The following LDLRAD4 variants were observed in gnomAD, a reference collection of about 807,000 sequenced individuals.
LDLRAD4 encodes the protein low-density lipoprotein receptor class A domain-containing protein 4.
In LDLRAD4, 5 loss-of-function variants were observed where a neutral mutation model predicts 17.0. That is an observed-to-expected ratio of 0.29 (90% CI 0.15 to 0.62). The LOEUF (loss-of-function observed/expected upper bound fraction) is 0.62. Among genes scored for constraint, LDLRAD4 ranks in the 20% least tolerant of loss-of-function variants. The pLI, the probability that LDLRAD4 is intolerant of heterozygous loss-of-function variation, is 0.84. For synonymous variants in LDLRAD4, 168 were observed against 171.8 expected, an observed-to-expected ratio of 0.98 and a Z score of 0.17; for missense variants, 340 against 424.7, an observed-to-expected ratio of 0.80 and a Z score of 1.75.
chr18:13,512,832 G>A (rs1266316292), intron 3 of LDLRAD4, among the ~76,000 whole-genome samples: 1 of 152,160 alleles, frequency 6.6e-6, no homozygotes, highest in Admixed American at 6.5e-5. Context: ...TAATATGTTG[G>A]GATTTCACAT....
intron 2 of LDLRAD4, among the ~76,000 whole-genome samples, chr18:13,437,963 C>T (rs2090775501): frequency 6.6e-6 from 1 of 152,214 alleles, no homozygotes; most frequent in East Asian, 1.9e-4. Context: ...AGAAAGAGAG[C>T]ACCTGTGCTA....
chr18:13,292,039 A>G (rs1215140566), intron 1 of LDLRAD4, among the ~76,000 whole-genome samples: 1 of 152,220 alleles, frequency 6.6e-6, no homozygotes, highest in Non-Finnish European at 1.5e-5. Flanking sequence ...TAGTCTGTCC[A>G]CATGCATTTG....
At chr18:13,377,727 T>A (rs1033281383) in intron 1 of LDLRAD4, among the ~76,000 whole-genome samples, 2 of 152,178 alleles carry the variant, frequency 1.3e-5, no homozygotes, top group South Asian at 4.1e-4. Context: ...GAGCACAAAC[T>A]GCTGGCCAGT....
At chr18:13,582,452 C>T (rs1015715580) in intron 3 of LDLRAD4, among the ~76,000 whole-genome samples, 3 of 152,246 alleles carry the variant, frequency 2.0e-5, no homozygotes, top group Non-Finnish European at 4.4e-5. Context: ...CAGGCAGATG[C>T]AGTTCCCTCC....
intron 3 of LDLRAD4, among the ~76,000 whole-genome samples, chr18:13,458,343 T>A (rs185048559): frequency 1.3e-5 from 2 of 152,344 alleles, no homozygotes; most frequent in Admixed American, 1.3e-4. Flanking sequence ...CACCTGACTT[T>A]GCTTCTGTGG....
intron 3 of LDLRAD4, among the ~76,000 whole-genome samples, chr18:13,578,827 C>CTT (rs1003295658): frequency 0.03 from 1,967 of 65,582 alleles, 559 homozygotes; most frequent in African/African-American, 0.077. Context: ...TTGTCCGGGT[C>CTT]TTTTTTTTTT....
chr18:13,649,651 A>G (rs1168164649), exon 6 of LDLRAD4: 3 of 157,698 alleles, frequency 1.9e-5, no homozygotes, highest in Non-Finnish European at 4.2e-5. Context: ...GGCTTGCTGC[A>G]CTGCTTGTTT....
At chr18:13,379,327 TGTGG>T (rs1159947456) in intron 1 of LDLRAD4, among the ~76,000 whole-genome samples, 2 of 152,204 alleles carry the variant, frequency 1.3e-5, no homozygotes, top group African/African-American at 4.8e-5. Flanking sequence ...GCCACTTGTG[TGTGG>T]TGCCCAGATG....
intron 3 of LDLRAD4, among the ~76,000 whole-genome samples, chr18:13,532,289 C>T (rs1449175309): frequency 6.6e-6 from 1 of 152,260 alleles, no homozygotes; most frequent in African/African-American, 2.4e-5. Context: ...TTATTCCTCC[C>T]TCTGAGAAAT....
intron 4 of LDLRAD4, among the ~76,000 whole-genome samples, chr18:13,625,070 TG>T (rs2041008150): frequency 6.6e-6 from 1 of 152,190 alleles, no homozygotes; most frequent in African/African-American, 2.4e-5. Flanking sequence ...AGTCAGCAGC[TG>T]GGGTTGGATG....
intron 3 of LDLRAD4, among the ~76,000 whole-genome samples, chr18:13,506,638 C>A (rs1334112219): frequency 6.6e-6 from 1 of 152,198 alleles, no homozygotes; most frequent in East Asian, 1.9e-4. Context: ...CACTAAACAA[C>A]AGATTTTCAC....
rs72874900 is a variant in LDLRAD4 at position 13,439,999 on chromosome 18, T to A, written c.181+1615T>A. On this transcript the variant is annotated intron_variant, in intron 3 of 5. Transcript: ENST00000359446. ...ATTCCAGGCGCTAAGCACTCAAGATTACCTCAACCCAGGCTTGGGGTCTTA... is the reference window on the plus strand; with the variant it reads ...ATTCCAGGCGCTAAGCACTCAAGATAACCTCAACCCAGGCTTGGGGTCTTA... 2.4e-3 allele frequency among the ~76,000 whole-genome samples: 372 copies of A among 152,316 alleles called. 2 individuals are homozygous for A. Among genetic ancestry groups the A allele is most frequent in the Non-Finnish European group, 4.4e-3 (297 of 68,020 alleles).
At chr18:13,227,278 G>A (rs2041859064) in intron 1 of LDLRAD4, among the ~76,000 whole-genome samples, 1 of 152,220 alleles carries the variant, frequency 6.6e-6, no homozygotes, top group South Asian at 2.1e-4. Flanking sequence ...TTACTAGGTG[G>A]TGATGAACTA....
At chr18:13,466,632 A>G (rs2146666361) in intron 3 of LDLRAD4, among the ~76,000 whole-genome samples, 1 of 152,344 alleles carries the variant, frequency 6.6e-6, no homozygotes, top group African/African-American at 2.4e-5. Context: ...AATAGAAGGA[A>G]CTTCTTCAAC....
At chr18:13,294,580 C>T (rs2046163600) in intron 1 of LDLRAD4, among the ~76,000 whole-genome samples, 1 of 152,212 alleles carries the variant, frequency 6.6e-6, no homozygotes, top group African/African-American at 2.4e-5. Context: ...CACGCGACCT[C>T]CTGAGGTCCC....
intron 3 of LDLRAD4, among the ~76,000 whole-genome samples, chr18:13,523,733 G>A (rs1035148634): frequency 6.6e-6 from 1 of 152,130 alleles, no homozygotes; most frequent in Non-Finnish European, 1.5e-5. Flanking sequence ...TTTTCTATGG[G>A]GACCCCTTTG....
chr18:13,387,284 G>A (rs1207139892), intron 1 of LDLRAD4, 57 bp from the exon 3 acceptor site: 8 of 169,686 alleles, frequency 4.7e-5, no homozygotes, highest in African/African-American at 1.4e-4. Context: ...TCCTGTGTAA[G>A]CCTGTTAATT....
intron 1 of LDLRAD4, among the ~76,000 whole-genome samples, chr18:13,257,633 T>C (rs2043579358): frequency 6.6e-6 from 1 of 152,224 alleles, no homozygotes; most frequent in South Asian, 2.1e-4. Flanking sequence ...TAGGTCTGGA[T>C]GCTTTATAGC....
At chr18:13,518,515 T>A (rs748464994) in intron 3 of LDLRAD4, among the ~76,000 whole-genome samples, 1 of 152,254 alleles carries the variant, frequency 6.6e-6, no homozygotes, top group Non-Finnish European at 1.5e-5. Flanking sequence ...ATTTCCCACA[T>A]CTGAAGTCTT....
Sources: gnomAD v4.1 joint callset for allele counts (sites outside exome capture counted in the v4.1 genomes callset) on GRCh38, gnomAD v4.1.1 for gene constraint, MANE v1.5 for transcripts, NCBI Gene and HGNC (gene_info 2026-07-23, HGNC 2026-07-21) for gene names.